PDE4D: variants seen among roughly 807,000 people sequenced by gnomAD.
The protein encoded by PDE4D is phosphodiesterase 4D, also known as 3',5'-cyclic-AMP phosphodiesterase 4D.
Under a neutral mutation model 87.4 loss-of-function variants are expected in PDE4D, and 24 were observed. The ratio of observed to expected loss-of-function variants is 0.27; its 90% CI spans 0.20 to 0.39. The LOEUF (loss-of-function observed/expected upper bound fraction) is 0.39. PDE4D is among the 10% of genes least tolerant of loss of function. The probability of loss-of-function intolerance (pLI) is 1.00; values close to 1 mark genes in which losing one functional copy is unlikely to be tolerated. For synonymous variants in PDE4D, 384 were observed against 383.2 expected (o/e 1.00, Z -0.02); for missense variants, 714 against 1,041.0 (o/e 0.69, Z 4.32).
chr5:59,108,132 T>C (rs183029900), intron 5 of PDE4D, among the ~76,000 whole-genome samples: 217 of 152,296 alleles, frequency 1.4e-3, no homozygotes, highest in Non-Finnish European at 2.7e-3. Context: ...TTTGCAGCAA[T>C]AGAAAACTGA....
chr5:59,678,665 A>T (rs1748512398), intron 1 of PDE4D, among the ~76,000 whole-genome samples: 1 of 152,070 alleles, frequency 6.6e-6, no homozygotes, highest in East Asian at 1.9e-4. Flanking sequence ...GAGTTTCACC[A>T]TGTTGGTCAG....
intron 5 of PDE4D, among the ~76,000 whole-genome samples, chr5:59,053,061 G>A (rs1473416651): frequency 6.6e-6 from 1 of 151,970 alleles, no homozygotes; most frequent in Non-Finnish European, 1.5e-5. Flanking sequence ...TCTCTGAAAA[G>A]TAGCATAATT....
intron 1 of PDE4D, among the ~76,000 whole-genome samples, chr5:59,737,839 TACATACTA>T (rs1363806656): frequency 3.9e-5 from 6 of 152,122 alleles, no homozygotes; most frequent in African/African-American, 1.4e-4. Flanking sequence ...CACATTCACA[TACATACTA>T]TATATAATCA....
At chr5:60,143,603 T>TTGTGTGTGTGTGTGTGTGTGTGTGTGTG (rs34236719) in intron 2 of PDE4D, among the ~76,000 whole-genome samples, 9 of 117,692 alleles carry the variant, frequency 7.6e-5, no homozygotes, top group South Asian at 3.1e-4. Context: ...AGCTTGGGAA[T>TTGTGTGTGTGTGTGTGTGTGTGTGTGTG]TGTGTGTGTG....
intron 1 of PDE4D, among the ~76,000 whole-genome samples, chr5:59,767,161 C>T (rs1377431951): frequency 1.3e-5 from 2 of 151,544 alleles, no homozygotes; most frequent in Non-Finnish European, 2.9e-5. Flanking sequence ...TTTTTTTTTC[C>T]CTCCCATTGC....
At chr5:60,269,069 C>T (rs925550453) in intron 1 of PDE4D, among the ~76,000 whole-genome samples, 4 of 152,080 alleles carry the variant, frequency 2.6e-5, no homozygotes, top group East Asian at 1.9e-4. Flanking sequence ...TTTGGGAGGC[C>T]GAGGCGGGCG....
At chr5:59,244,223 C>A (rs547451234) in intron 1 of PDE4D, among the ~76,000 whole-genome samples, 89 of 151,896 alleles carry the variant, frequency 5.9e-4, no homozygotes, top group African/African-American at 2.0e-3. Flanking sequence ...CATGGTGACA[C>A]CCTGTCTCCA....
At chr5:59,424,737 T>A (rs1235876657) in intron 1 of PDE4D, among the ~76,000 whole-genome samples, 1 of 152,102 alleles carries the variant, frequency 6.6e-6, no homozygotes, top group East Asian at 1.9e-4. Flanking sequence ...GAACTATAAT[T>A]AAAGATGAGA....
intron 5 of PDE4D, among the ~76,000 whole-genome samples, chr5:59,150,570 T>G (rs6881137): frequency 0.26 from 39,804 of 152,018 alleles, 5,713 homozygotes; most frequent in African/African-American, 0.37. Context: ...CATCAATGTA[T>G]CTCAAGAGCT....
chr5:59,675,831 A>G (rs1011280723), intron 1 of PDE4D, among the ~76,000 whole-genome samples: 4 of 152,208 alleles, frequency 2.6e-5, no homozygotes, highest in Admixed American at 2.6e-4. Context: ...CAGGGACTAC[A>G]GGCACGTGCC....
chr5:59,175,518 G>A (rs1783703266), intron 5 of PDE4D, among the ~76,000 whole-genome samples: 1 of 110,502 alleles, frequency 9.0e-6, no homozygotes, highest in African/African-American at 3.5e-5. Flanking sequence ...GTCTCACTCT[G>A]TCACCCAGGC....
At chr5:60,156,130 G>A (rs1483106716) in intron 2 of PDE4D, among the ~76,000 whole-genome samples, 2 of 152,140 alleles carry the variant, frequency 1.3e-5, no homozygotes, top group Non-Finnish European at 2.9e-5. Flanking sequence ...CTGGAACCTG[G>A]GCTAGCCACA....
intron 1 of PDE4D, among the ~76,000 whole-genome samples, chr5:59,574,059 AAAAT>A (rs1365738314): frequency 9.0e-4 from 35 of 39,070 alleles, no homozygotes; most frequent in African/African-American, 3.6e-3. Flanking sequence ...TTTATATATA[AAAAT>A]ATATATATTT....
At chr5:59,326,291 G>T (rs1002504396) in intron 1 of PDE4D, among the ~76,000 whole-genome samples, 4 of 151,946 alleles carry the variant, frequency 2.6e-5, no homozygotes, top group African/African-American at 9.7e-5. Context: ...AAAAAAATGT[G>T]TTGAGTCAGT....
chr5:59,597,765 T>A (rs1826910561), intron 1 of PDE4D, among the ~76,000 whole-genome samples: 1 of 152,158 alleles, frequency 6.6e-6, no homozygotes, highest in Non-Finnish European at 1.5e-5. Context: ...TTAAGTAGAA[T>A]AATCTTTGCA....
intron 1 of PDE4D, among the ~76,000 whole-genome samples, chr5:59,648,720 CAA>C (rs34222734): frequency 0.021 from 2,969 of 140,576 alleles, 56 homozygotes; most frequent in East Asian, 0.078. Context: ...CATCTAACCT[CAA>C]AAAAAAAAAA....
At chr5:59,760,649 A>T (rs1761855039) in intron 1 of PDE4D, among the ~76,000 whole-genome samples, 1 of 152,158 alleles carries the variant, frequency 6.6e-6, no homozygotes, top group Non-Finnish European at 1.5e-5. Flanking sequence ...GGTTTTAATT[A>T]TATTTGGAAT....
At chr5:59,921,373 G>T (rs1027967636) in intron 3 of PDE4D, among the ~76,000 whole-genome samples, 1 of 151,792 alleles carries the variant, frequency 6.6e-6, no homozygotes, top group African/African-American at 2.4e-5. Flanking sequence ...ATATAATAAG[G>T]CCTAACATTT....
intron 1 of PDE4D, among the ~76,000 whole-genome samples, chr5:59,452,088 A>C (rs1281821859): frequency 6.6e-6 from 1 of 152,120 alleles, no homozygotes; most frequent in Non-Finnish European, 1.5e-5. Context: ...TTAGTTCATC[A>C]GCTATTGTTA....
Sources: gnomAD v4.1 joint callset for allele counts (sites outside exome capture counted in the v4.1 genomes callset) on GRCh38, gnomAD v4.1.1 for gene constraint, MANE v1.5 for transcripts, NCBI Gene and HGNC (gene_info 2026-07-23, HGNC 2026-07-21) for gene names.